CDC42BPA: variants seen among roughly 807,000 people sequenced by gnomAD.
CDC42BPA encodes the protein CDC42 binding protein kinase alpha.
Under a neutral mutation model 223.5 loss-of-function variants are expected in CDC42BPA, and 80 were observed. The ratio of observed to expected loss-of-function variants is 0.36; its 90% confidence interval spans 0.30 to 0.43. The LOEUF is 0.43. Ranked by LOEUF, CDC42BPA falls within the 20% of genes least tolerant of loss-of-function variation. The pLI is 1.00. For synonymous variants in CDC42BPA, 694 were observed against 718.6 expected, an observed-to-expected ratio of 0.97 and a Z score of 0.55; for missense variants, 1,743 against 2,099.9, an observed-to-expected ratio of 0.83 and a Z score of 3.32.
chr1:227,285,135 C>G (rs1330460409), intron 1 of CDC42BPA, among the ~76,000 whole-genome samples: 1 of 152,136 alleles, frequency 6.6e-6, no homozygotes, highest in Non-Finnish European at 1.5e-5. Context: ...ACTATCTACA[C>G]AGTTTCATTA....
intron 5 of CDC42BPA, among the ~76,000 whole-genome samples, chr1:227,164,270 G>C (rs947569307): frequency 5.3e-5 from 8 of 151,992 alleles, no homozygotes; most frequent in African/African-American, 9.7e-5. Flanking sequence ...TACTCTTCTA[G>C]ATCAATGCTG....
intron 6 of CDC42BPA, among the ~76,000 whole-genome samples, chr1:227,158,852 C>T (rs1387933852): frequency 6.6e-6 from 1 of 152,158 alleles, no homozygotes; most frequent in Non-Finnish European, 1.5e-5. Flanking sequence ...TTTATGCCCT[C>T]TCTCTGCACA....
At chr1:227,127,366 T>C (rs554892334) in intron 11 of CDC42BPA, among the ~76,000 whole-genome samples, 1 of 152,338 alleles carries the variant, frequency 6.6e-6, no homozygotes, top group South Asian at 2.1e-4. Flanking sequence ...AACTAGATTG[T>C]TGATTTGAAT....
chr1:227,230,125 A>G (rs1359856166), intron 2 of CDC42BPA, among the ~76,000 whole-genome samples: 1 of 152,160 alleles, frequency 6.6e-6, no homozygotes, highest in Non-Finnish European at 1.5e-5. Flanking sequence ...TTTCCTGCCT[A>G]TGAGATTTCT....
chr1:227,059,544 T>G (rs1675364243), intron 21 of CDC42BPA: 2 of 778,506 alleles, frequency 2.6e-6, no homozygotes, highest in Non-Finnish European at 4.2e-6. Context: ...AGGTTGAATG[T>G]ACATGTATTT....
At chr1:227,106,238 T>A (rs984107587) in intron 14 of CDC42BPA, among the ~76,000 whole-genome samples, 1 of 152,182 alleles carries the variant, frequency 6.6e-6, no homozygotes, top group Non-Finnish European at 1.5e-5. Flanking sequence ...TTTATATATA[T>A]CTTCTCTGGA....
At chr1:227,203,106 C>A (rs979637448) in intron 3 of CDC42BPA, among the ~76,000 whole-genome samples, 1 of 152,094 alleles carries the variant, frequency 6.6e-6, no homozygotes, top group African/African-American at 2.4e-5. Flanking sequence ...CTACTTACTA[C>A]CATCCCCTAG....
At chr1:227,286,964 T>C (rs6697665) in intron 1 of CDC42BPA, among the ~76,000 whole-genome samples, 95,427 of 151,862 alleles carry the variant, frequency 0.63, 30,146 homozygotes, top group East Asian at 0.74. Flanking sequence ...ACAAACACAG[T>C]GAGAACTCAC....
At chr1:227,276,542 G>A (rs1009725319) in intron 1 of CDC42BPA, among the ~76,000 whole-genome samples, 5 of 150,574 alleles carry the variant, frequency 3.3e-5, no homozygotes, top group Non-Finnish European at 4.4e-5. Context: ...GGTGCGGGGC[G>A]CCTCTGCCCA....
intron 1 of CDC42BPA, among the ~76,000 whole-genome samples, chr1:227,294,680 G>A (rs1192406382): frequency 1.2e-5 from 1 of 84,620 alleles, no homozygotes; most frequent in Non-Finnish European, 2.5e-5. Flanking sequence ...CTAACAAGGT[G>A]AAACCCCGTC....
At chr1:227,253,635 C>T (rs926613859) in intron 2 of CDC42BPA, among the ~76,000 whole-genome samples, 12 of 126,666 alleles carry the variant, frequency 9.5e-5, no homozygotes, top group Non-Finnish European at 1.6e-4. Context: ...TACATACATA[C>T]ATACATACAT....
chr1:227,154,085 G>C (rs1662283946), intron 6 of CDC42BPA, among the ~76,000 whole-genome samples: 2 of 151,872 alleles, frequency 1.3e-5, no homozygotes, highest in Non-Finnish European at 2.9e-5. Context: ...ATAACATCTT[G>C]ATAAAGTCAT....
At position 226,991,800 on chromosome 1, in the gene CDC42BPA, AATAAGCACCT is replaced by A. The variant is rs79028744; in HGVS notation, c.*2458_*2467del. ...TTGATCTTAAAAGCATCCTTTGCAAAATAAGCACCTATAAGCAACAAAAATTCATAATTAC... is the reference window on the plus strand; with the variant it reads ...TTGATCTTAAAAGCATCCTTTGCAAAATAAGCAACAAAAATTCATAATTAC... On this transcript the variant is annotated 3_prime_UTR_variant, in exon 37 of 37. Coordinates refer to ENST00000366766, the MANE Select transcript of CDC42BPA (RefSeq NM_001394014.1). 0.38 allele frequency: 57,078 copies of A among 151,452 alleles called. 11,393 individuals are homozygous for A. The highest frequency in any genetic ancestry group is 0.46 in the Non-Finnish European group (31,191 of 67,828). The allele number at this position is 151,452 out of a possible 1,614,324, so 9.4% of individuals were successfully genotyped here.
intron 15 of CDC42BPA, among the ~76,000 whole-genome samples, chr1:227,097,688 T>C (rs968299753): frequency 6.6e-6 from 1 of 152,012 alleles, no homozygotes; most frequent in Non-Finnish European, 1.5e-5. Context: ...AGAGGCAAAA[T>C]GGTGGAGTTT....
intron 34 of CDC42BPA, among the ~76,000 whole-genome samples, chr1:227,011,597 T>C (rs1015804675): frequency 1.3e-5 from 2 of 152,230 alleles, no homozygotes; most frequent in Non-Finnish European, 2.9e-5. Context: ...ATTATTGGTT[T>C]ACCTTTAAGC....
intron 1 of CDC42BPA, among the ~76,000 whole-genome samples, chr1:227,268,329 C>A (rs1039622543): frequency 8.6e-5 from 13 of 152,002 alleles, no homozygotes; most frequent in Non-Finnish European, 1.8e-4. Context: ...TTTATTGTAG[C>A]CTTTACAGAA....
intron 30 of CDC42BPA, 122 bp from the exon 31 acceptor site, chr1:227,026,274 C>T: frequency 1.8e-6 from 1 of 567,926 alleles, no homozygotes; most frequent in South Asian, 2.5e-5. Context: ...ATGGGGCTAT[C>T]ATATAGTAGC....
intron 27 of CDC42BPA, among the ~76,000 whole-genome samples, chr1:227,032,024 C>T (rs778420174): frequency 2.0e-5 from 3 of 152,176 alleles, no homozygotes; most frequent in Non-Finnish European, 2.9e-5. Flanking sequence ...TGCTCTTAAG[C>T]GCCACACCAT....
chr1:227,188,721 C>A (rs986984019), intron 5 of CDC42BPA, among the ~76,000 whole-genome samples: 2 of 152,132 alleles, frequency 1.3e-5, no homozygotes, highest in Non-Finnish European at 2.9e-5. Flanking sequence ...AGGTGGAACA[C>A]AGAGCATTTT....
Sources: gnomAD v4.1 joint callset for allele counts (sites outside exome capture counted in the v4.1 genomes callset) on GRCh38, gnomAD v4.1.1 for gene constraint, MANE v1.5 for transcripts, NCBI Gene and HGNC (gene_info 2026-07-23, HGNC 2026-07-21) for gene names.